P4HA1: variants seen among roughly 807,000 people sequenced by gnomAD.
P4HA1 encodes the protein prolyl 4-hydroxylase subunit alpha 1.
Under a neutral mutation model 72.8 loss-of-function variants are expected in P4HA1, and 24 were observed. The observed-to-expected ratio is 0.33, with a 90% CI of 0.24 to 0.46. The LOEUF (loss-of-function observed/expected upper bound fraction) is 0.46. Ranked by LOEUF, P4HA1 falls within the 20% of genes least tolerant of loss-of-function variation. The pLI, the probability that P4HA1 is intolerant of heterozygous loss-of-function variation, is 1.00. For missense variants in P4HA1, 446 were observed against 640.6 expected, an observed-to-expected ratio of 0.70 and a Z score of 3.28; for synonymous variants, 201 against 218.8, an observed-to-expected ratio of 0.92 and a Z score of 0.72.
chr10:73,070,761 AATAT>A (rs1035721102), intron 4 of P4HA1, among the ~76,000 whole-genome samples: 4 of 152,214 alleles, frequency 2.6e-5, no homozygotes, highest in Admixed American at 1.3e-4. Flanking sequence ...GAAAAATTAA[AATAT>A]ATATACTCTC....
Position 73,046,796 on chromosome 10 carries a change from T to A in P4HA1, c.1077+129A>T, listed in dbSNP as rs926844324. On this transcript the variant is annotated intron_variant, in intron 8 of 14. Coordinates refer to ENST00000394890, the MANE Select transcript of P4HA1 (RefSeq NM_001017962.3). ...AACACAGCATCATTAGTAACTCCAT[T>A]ATGCTGAGGCAAAATATCTTTAAAA... 2.0e-5 allele frequency: 14 copies of A among 696,914 alleles called. No individual in the cohort carries two copies. In the African/African-American group the frequency reaches 2.5e-4, roughly 13 times the overall value. 43.2% of individuals were successfully genotyped at this position (696,914 alleles called of 1,614,324 possible).
At position 73,008,147 on chromosome 10, in the gene P4HA1, G is replaced by C. The variant is rs1409676732; in HGVS notation, c.*75C>G. 4 of 886,464 alleles carry C rather than the reference G, an allele frequency of 4.5e-6. No individual in the cohort carries two copies. Among genetic ancestry groups the C allele is most frequent in the Non-Finnish European group, 7.4e-6 (4 of 539,184 alleles). The allele number at this position is 886,464 out of a possible 1,614,324, so 54.9% of individuals were successfully genotyped here. A position where few individuals can be genotyped will look rare whatever the true frequency, so the allele number is the denominator to read the frequency against. ...GAGTGTTAGTCAATTGTAAACTCCT[G>C]AAAGTTAAGACTAGGAAATGTGTAT... On this transcript the variant is annotated 3_prime_UTR_variant, in exon 15 of 15. Transcript: ENST00000394890.
chr10:73,044,180 T>C lies in P4HA1; in HGVS notation c.1148+801A>G, dbSNP rs532340217. Among the ~76,000 whole-genome samples, 356 of 152,338 alleles carry C rather than the reference T, an allele frequency of 2.3e-3. 1 individual carries two copies. The highest frequency in any genetic ancestry group is 7.6e-3 in the African/African-American group (318 of 41,576). On this transcript the variant is annotated intron_variant, in intron 9 of 14. Transcript: ENST00000394890. ...TTGACAGATTTTTGTTGTAGATTTA[T>C]TGTCCTTTCACTTTTTTTAAACAAA... is the stretch of plus-strand genomic sequence containing the variant.
At chr10:73,013,549 T>C (rs1327306656) in intron 12 of P4HA1, among the ~76,000 whole-genome samples, 1 of 152,224 alleles carries the variant, frequency 6.6e-6, no homozygotes, top group Non-Finnish European at 1.5e-5. Flanking sequence ...GTCAACCTCA[T>C]AACTGTTAGA....
In P4HA1 at chr10:73,074,789, A is replaced by G. The variant is rs746574085; in HGVS notation, c.76+19T>C. 3.7e-6 allele frequency: 5 copies of G among 1,355,372 alleles called. No individual in the cohort carries two copies. In the South Asian group the frequency reaches 4.9e-5, roughly 13 times the overall value. The allele number at this position is 1,355,372 out of a possible 1,614,324, so 84.0% of individuals were successfully genotyped here. A position where few individuals can be genotyped will look rare whatever the true frequency, so the allele number is the denominator to read the frequency against. ...AAAAAATGCAAAACCAACAAAAAAC[A>G]ACAAGTAGTAAGACTTACCAATTGA... On this transcript the variant is annotated intron_variant, in intron 2 of 14. Coordinates refer to ENST00000394890, the MANE Select transcript of P4HA1 (RefSeq NM_001017962.3).
intron 9 of P4HA1, among the ~76,000 whole-genome samples, chr10:73,035,528 C>T (rs919116977): frequency 6.6e-6 from 1 of 152,028 alleles, no homozygotes; most frequent in Non-Finnish European, 1.5e-5. Flanking sequence ...AAAAAAACAA[C>T]AGAACACCAC....
chr10:73,046,743 G>A lies in P4HA1; in HGVS notation c.1077+182C>T, dbSNP rs1300354071. On this transcript the variant is annotated intron_variant, in intron 8 of 14. Transcript: ENST00000394890. Reference sequence around the variant, plus strand: ...ACCCAGTTAAGGGTACATTACTTGTGTTGATAACAAATGGAAAAACTGGCA... The same window carrying A: ...ACCCAGTTAAGGGTACATTACTTGTATTGATAACAAATGGAAAAACTGGCA... Among the ~76,000 whole-genome samples the A allele has an allele frequency of 3.3e-5, 5 of 152,248 alleles. No individual in the cohort carries two copies. The East Asian group carries it at 7.7e-4, about 24-fold the overall frequency.
chr10:73,081,874 G>C (rs1056667211), intron 1 of P4HA1, among the ~76,000 whole-genome samples: 12 of 152,112 alleles, frequency 7.9e-5, no homozygotes, highest in Non-Finnish European at 1.8e-4. Flanking sequence ...CTCTACTATG[G>C]GCGTGGTAGC....
At position 73,064,654 on chromosome 10, in the gene P4HA1, G is replaced by A. The variant is rs540190510; in HGVS notation, c.463+4192C>T. On this transcript the variant is annotated intron_variant, in intron 5 of 14. Coordinates refer to ENST00000394890, the MANE Select transcript of P4HA1 (RefSeq NM_001017962.3). ...TCAAGAGCTGAAAACCAGCCTGGCTGACACGGTGAAACCTCATCTCTACTA... is the reference window on the plus strand; with the variant it reads ...TCAAGAGCTGAAAACCAGCCTGGCTAACACGGTGAAACCTCATCTCTACTA... Among the ~76,000 whole-genome samples, 5 of 152,144 alleles carry A rather than the reference G, an allele frequency of 3.3e-5. No individual in the cohort carries two copies. The East Asian group carries it at 9.7e-4, about 29-fold the overall frequency.
rs1332361152 is a variant in P4HA1 at position 73,009,796 on chromosome 10, G to A, written c.1534+11C>T. On this transcript the variant is annotated intron_variant, in intron 14 of 14. Transcript: ENST00000394890. ...ATTACATTATCTTCGCAGAATATAT[G>A]AAATATTTACCCCATTTGTTGCCAA... The A allele has an allele frequency of 1.4e-6, 2 of 1,447,470 alleles. No individual in the cohort carries two copies. Among genetic ancestry groups the A allele is most frequent in the Non-Finnish European group, 9.7e-7 (1 of 1,028,950 alleles). The allele number at this position is 1,447,470 out of a possible 1,614,324, so 89.7% of individuals were successfully genotyped here.
At chr10:73,087,098 C>G (rs1841938821) in intron 1 of P4HA1, among the ~76,000 whole-genome samples, 1 of 151,982 alleles carries the variant, frequency 6.6e-6, no homozygotes, top group African/African-American at 2.4e-5. Flanking sequence ...TTTGCCCTTC[C>G]AACAGCAAAG....
At chr10:73,072,320 G>A (rs1051065606) in intron 3 of P4HA1, 140 bp from the exon 4 acceptor site, 19 of 611,268 alleles carry the variant, frequency 3.1e-5, no homozygotes, top group Non-Finnish European at 3.9e-5. Context: ...AAAAGTATAC[G>A]GTCTCGGTCT....
At chr10:73,016,425 C>G (rs971947006) in intron 11 of P4HA1, among the ~76,000 whole-genome samples, 8 of 152,200 alleles carry the variant, frequency 5.3e-5, no homozygotes, top group Non-Finnish European at 1.2e-4. Flanking sequence ...AATGGTCCCC[C>G]CTTGAATGAA....
Position 73,047,003 on chromosome 10 carries a change from G to C in P4HA1, c.999C>G (p.Asp333Glu). 6.2e-7 allele frequency: 1 copy of C among 1,612,650 alleles called. No individual in the cohort carries two copies. The highest frequency in any genetic ancestry group is 8.5e-7 in the Non-Finnish European group (1 of 1,178,720). Reference sequence around the variant, plus strand: ...CATGGAAGCGAATAATACGAGGCTTGTCCCATTCATCCTCCTGTTTAGCTG... The same window carrying C: ...CATGGAAGCGAATAATACGAGGCTTCTCCCATTCATCCTCCTGTTTAGCTG... ...LAPAKQEDEW[D>E]KPRIIRFHDI... Residue 333 changes from aspartate (D) to glutamate (E), a missense_variant, in exon 8 of 15, where the codon GAC becomes GAG. Transcript: ENST00000394890.
intron 1 of P4HA1, among the ~76,000 whole-genome samples, chr10:73,084,440 T>A (rs1841884398): frequency 6.6e-6 from 1 of 152,152 alleles, no homozygotes; most frequent in East Asian, 1.9e-4. Context: ...CTACAGGGCT[T>A]GTGCCACCAC....
At chr10:73,069,470 G>A (rs1329975799) in intron 4 of P4HA1, among the ~76,000 whole-genome samples, 2 of 151,964 alleles carry the variant, frequency 1.3e-5, no homozygotes, top group African/African-American at 2.4e-5. Context: ...AAAGTTTGGT[G>A]GAATTCTTCA....
intron 1 of P4HA1, among the ~76,000 whole-genome samples, chr10:73,089,493 A>C (rs1021820025): frequency 1.1e-4 from 17 of 152,308 alleles, no homozygotes; most frequent in African/African-American, 2.6e-4. Context: ...AAGAAAGCAT[A>C]TCTCTCTCCA....
At chr10:73,024,031 A>T (rs1280861478) in intron 10 of P4HA1, among the ~76,000 whole-genome samples, 7 of 152,186 alleles carry the variant, frequency 4.6e-5, no homozygotes, top group South Asian at 4.1e-4. Context: ...ACTCTCACAC[A>T]ATAATAATGA....
chr10:73,058,708 T>C (rs1841219835), intron 5 of P4HA1, among the ~76,000 whole-genome samples: 1 of 150,316 alleles, frequency 6.7e-6, no homozygotes. Context: ...TTTCTATACA[T>C]GAAGTAATGA....
Sources: gnomAD v4.1 joint callset for allele counts (sites outside exome capture counted in the v4.1 genomes callset) on GRCh38, gnomAD v4.1.1 for gene constraint, MANE v1.5 for transcripts, NCBI Gene and HGNC (gene_info 2026-07-23, HGNC 2026-07-21) for gene names.